The following MECOM variants were observed in gnomAD, a reference collection of about 807,000 sequenced individuals.
MECOM encodes the protein histone-lysine N-methyltransferase MECOM.
In MECOM, 13 loss-of-function variants were observed where a neutral mutation model predicts 116.3. The observed-to-expected ratio is 0.11, with a 90% CI of 0.07 to 0.18. The LOEUF is 0.18. Ranked by LOEUF, MECOM falls within the 10% of genes least tolerant of loss-of-function variation. MECOM has a pLI of 1.00. For synonymous variants in MECOM, 528 were observed against 535.2 expected, an observed-to-expected ratio of 0.99 and a Z score of 0.19; for missense variants, 1,299 against 1,509.0, an observed-to-expected ratio of 0.86 and a Z score of 2.31.
At position 169,245,780 on chromosome 3, in the gene MECOM, G is replaced by A. The variant is rs76368788; in HGVS notation, c.376-101948C>T. 5.3e-3 allele frequency among the ~76,000 whole-genome samples: 805 copies of A among 152,212 alleles called. 12 individuals are homozygous for A. Among genetic ancestry groups the A allele is most frequent in the African/African-American group, 0.019 (775 of 41,526 alleles). On this transcript the variant is annotated intron_variant, in intron 2 of 16. Coordinates refer to ENST00000651503, the MANE Select transcript of MECOM (RefSeq NM_004991.4). ...TTGAGTCTTGCACATTTCATTATAT[G>A]CTTGAATTAATTTACCCTATATGGA...
intron 2 of MECOM, among the ~76,000 whole-genome samples, chr3:169,223,236 G>C (rs893474486): frequency 6.7e-6 from 1 of 150,058 alleles, no homozygotes; most frequent in Non-Finnish European, 1.5e-5. Flanking sequence ...CCGTTGACTC[G>C]TCATTTACAT....
In MECOM at chr3:169,115,950, T is replaced by C; in HGVS notation, c.1922A>G (p.His641Arg). The C allele has an allele frequency of 1.2e-6, 2 of 1,614,174 alleles. No homozygotes were observed. Among genetic ancestry groups the C allele is most frequent in the African/African-American group, 1.3e-5 (1 of 75,072 alleles). The change falls in exon 8 of 17, where the codon CAT becomes CGT. Residue 641 changes from histidine to arginine, a missense_variant. By Grantham distance (29) the His-to-Arg change is conservative (BLOSUM62 0). Transcript: ENST00000651503. ...CTCTAAAGATGGTGAGAAAATGGAA[T>C]GATTGCTGTATTCTTTCTTATTATT... Reference protein sequence around the residue: ...SINNKKEYSNHSIFSPSLEEQ... With the variant: ...SINNKKEYSNRSIFSPSLEEQ...
chr3:169,256,645 C>T (rs1175601460), intron 2 of MECOM, among the ~76,000 whole-genome samples: 2 of 152,164 alleles, frequency 1.3e-5, no homozygotes, highest in Admixed American at 6.5e-5. Flanking sequence ...ACATCTCCTT[C>T]GGGAGATGCT....
chr3:169,268,664 G>A (rs112905364), intron 2 of MECOM, among the ~76,000 whole-genome samples: 4,253 of 152,200 alleles, frequency 0.028, 105 homozygotes, highest in Non-Finnish European at 0.041. Flanking sequence ...GCAACTTACC[G>A]CACTCAACAG....
chr3:169,160,962 G>A (rs896923679), intron 2 of MECOM, among the ~76,000 whole-genome samples: 3 of 152,212 alleles, frequency 2.0e-5, no homozygotes, highest in Admixed American at 1.3e-4. Flanking sequence ...AGTAGACGCT[G>A]TTCAATTTTG....
At chr3:169,641,886 T>C (rs1305350651) in intron 1 of MECOM, among the ~76,000 whole-genome samples, 2 of 152,090 alleles carry the variant, frequency 1.3e-5, no homozygotes, top group African/African-American at 4.8e-5. Flanking sequence ...GAGGAATGCA[T>C]TGGAATGGAG....
intron 2 of MECOM, among the ~76,000 whole-genome samples, chr3:169,285,124 C>A (rs1256433968): frequency 6.6e-6 from 1 of 152,112 alleles, no homozygotes; most frequent in Non-Finnish European, 1.5e-5. Flanking sequence ...GAGTATTGGA[C>A]TTTGAATTCC....
intron 2 of MECOM, among the ~76,000 whole-genome samples, chr3:169,365,518 A>T (rs1463201605): frequency 6.6e-6 from 1 of 152,042 alleles, no homozygotes; most frequent in Admixed American, 6.6e-5. Context: ...TGCTCTTTGG[A>T]ACAAATGCTT....
At chr3:169,104,981 C>T (rs1223749013) in intron 10 of MECOM, among the ~76,000 whole-genome samples, 1 of 150,632 alleles carries the variant, frequency 6.6e-6, no homozygotes, top group Non-Finnish European at 1.5e-5. Context: ...GTCTTACAAG[C>T]CTCCCCCACC....
chr3:169,449,130 A>G (rs1015949865), intron 1 of MECOM, among the ~76,000 whole-genome samples: 18 of 152,286 alleles, frequency 1.2e-4, no homozygotes, highest in African/African-American at 4.3e-4. Flanking sequence ...ATGGAGCACA[A>G]ATGAAGCATA....
At chr3:169,329,559 C>T (rs968848700) in intron 2 of MECOM, among the ~76,000 whole-genome samples, 3 of 152,142 alleles carry the variant, frequency 2.0e-5, no homozygotes, top group African/African-American at 7.2e-5. Context: ...CTGTTGGAAT[C>T]CCACTGAATG....
At chr3:169,196,420 G>C (rs76020762) in intron 2 of MECOM, among the ~76,000 whole-genome samples, 2 of 151,910 alleles carry the variant, frequency 1.3e-5, no homozygotes, top group African/African-American at 4.8e-5. Flanking sequence ...ACACATACAC[G>C]TCTCACATTG....
intron 1 of MECOM, among the ~76,000 whole-genome samples, chr3:169,645,181 T>G (rs1441769505): frequency 6.6e-6 from 1 of 152,200 alleles, no homozygotes; most frequent in Non-Finnish European, 1.5e-5. Flanking sequence ...TAGCATTGAT[T>G]AAAACCAACC....
chr3:169,323,908 C>A (rs1208612605), intron 2 of MECOM, among the ~76,000 whole-genome samples: 1 of 152,124 alleles, frequency 6.6e-6, no homozygotes, highest in Non-Finnish European at 1.5e-5. Context: ...CTTTCCCATG[C>A]AGAGGAAAAA....
chr3:169,586,438 C>T (rs1401114396), intron 1 of MECOM, among the ~76,000 whole-genome samples: 1 of 152,184 alleles, frequency 6.6e-6, no homozygotes, highest in Non-Finnish European at 1.5e-5. Flanking sequence ...TACTATTTTG[C>T]ATGGCTATTG....
chr3:169,468,881 C>T (rs1225748324), intron 1 of MECOM, among the ~76,000 whole-genome samples: 1 of 152,156 alleles, frequency 6.6e-6, no homozygotes, highest in Non-Finnish European at 1.5e-5. Context: ...CCTGTGCCTG[C>T]TAGGCAGACT....
At chr3:169,654,977 T>A (rs1246285258) in intron 1 of MECOM, among the ~76,000 whole-genome samples, 2 of 152,186 alleles carry the variant, frequency 1.3e-5, no homozygotes, top group East Asian at 3.8e-4. Context: ...TTGCAAACCC[T>A]ACAAACTATA....
At chr3:169,404,063 C>G (rs1736281655) in intron 1 of MECOM, among the ~76,000 whole-genome samples, 1 of 152,072 alleles carries the variant, frequency 6.6e-6, no homozygotes, top group African/African-American at 2.4e-5. Flanking sequence ...TTGAGCAACC[C>G]AGTCTCACAG....
At chr3:169,476,521 G>A (rs886962497) in intron 1 of MECOM, among the ~76,000 whole-genome samples, 2 of 152,132 alleles carry the variant, frequency 1.3e-5, no homozygotes, top group Non-Finnish European at 2.9e-5. Context: ...AGCGGCAGGG[G>A]CACATCAATC....
Sources: allele counts gnomAD v4.1 joint callset (sites outside exome capture counted in the v4.1 genomes callset), GRCh38; gene constraint gnomAD v4.1.1; transcripts MANE v1.5; gene names NCBI Gene and HGNC (gene_info 2026-07-23, HGNC 2026-07-21).